Variants in GPR137 observed in about 807,000 individuals in gnomAD.
GPR137 encodes integral membrane protein GPR137.
In GPR137, 20 loss-of-function variants were observed where a neutral mutation model predicts 38.9. That is an observed-to-expected ratio of 0.51 (90% CI 0.36 to 0.75). GPR137 has a LOEUF of 0.75. GPR137 is among the 30% of genes least tolerant of loss of function. The pLI is 0.00. For missense variants in GPR137, 456 were observed against 526.4 expected (o/e 0.87, Z 1.31); for synonymous variants, 226 against 235.8 (o/e 0.96, Z 0.38).
rs1753118790 is a variant in GPR137, at chr11:64,288,866, C to T, written c.1031+145C>T. 1.4e-6 allele frequency: 2 copies of T among 1,441,506 alleles called. No homozygotes were observed. Among genetic ancestry groups the T allele is most frequent in the African/African-American group, 1.4e-5 (1 of 69,902 alleles). The allele number at this position is 1,441,506 out of a possible 1,614,324, so 89.3% of individuals were successfully genotyped here. On this transcript the variant is annotated intron_variant, in intron 6 of 6. Transcript: ENST00000438980. The surrounding 1 kb of genome is among the most constrained non-coding windows in gnomAD (Gnocchi z 5.5). ...TTCCCCATCTGTACTAGGTGAGGTC[C>T]CCTGGGTTCCTATTGCTAAAGCCTC...
chr11:64,284,675 C>T (rs1300025192), upstream of GPR137: 73 of 1,535,462 alleles, frequency 4.8e-5, no homozygotes, highest in African/African-American at 9.6e-5. Flanking sequence ...TGCCGCCTCC[C>T]TCCAGCACCC....
intron 2 of GPR137, among the ~76,000 whole-genome samples, chr11:64,278,721 G>A (rs2033230750): frequency 6.6e-6 from 1 of 152,204 alleles, no homozygotes; most frequent in South Asian, 2.1e-4. Context: ...CAGACACTGG[G>A]CTGTGTGGGC....
Position 64,286,114 on chromosome 11 carries a change from G to A in GPR137, c.-411G>A, listed in dbSNP as rs1482450087. The A allele has an allele frequency of 3.0e-6, 3 of 1,004,728 alleles. No homozygotes were observed. The highest frequency in any genetic ancestry group is 3.6e-6 in the Non-Finnish European group (3 of 843,174). The allele number at this position is 1,004,728 out of a possible 1,614,324, so 62.2% of individuals were successfully genotyped here. ...GGGGCATTGGGCGCCCCTCGCAGCG[G>A]CCGCTGCCCTGACCCGACGGGTATC... is the stretch of plus-strand genomic sequence containing the variant. On this transcript the variant is annotated 5_prime_UTR_variant, in exon 1 of 7. Transcript: ENST00000438980.
rs140988018 is a variant in GPR137 at position 64,286,688 on chromosome 11, G to A, written c.164G>A (p.Arg55His). The A allele has an allele frequency of 2.5e-6, 4 of 1,613,646 alleles. No homozygotes were observed. The highest frequency in any genetic ancestry group is 2.5e-6 in the Non-Finnish European group (3 of 1,179,726). ...LWLVLLYGHK[R>H]LSYQTVFLAL... Reference sequence around the variant, plus strand: ...CTGGTGCTTCTGTATGGGCACAAGCGTCTCAGCTATCAGACGGTGTTCCTG... The same window carrying A: ...CTGGTGCTTCTGTATGGGCACAAGCATCTCAGCTATCAGACGGTGTTCCTG... Residue 55 changes from arginine (R) to histidine (H), a missense_variant, in exon 1 of 7, where the codon CGT becomes CAT. Physicochemically the swap from Arg to His is conservative, Grantham distance 29. Coordinates refer to ENST00000438980, the MANE Select transcript of GPR137 (RefSeq NM_001170880.2).
chr11:64,285,534 C>T, upstream of GPR137: 1 of 984,850 alleles, frequency 1.0e-6, no homozygotes, highest in Non-Finnish European at 1.2e-6. Flanking sequence ...TCCGTTGCCG[C>T]CCCCGGCCGG....
chr11:64,280,051 C>T (rs980616826), upstream of GPR137, among the ~76,000 whole-genome samples: 1 of 151,774 alleles, frequency 6.6e-6, no homozygotes, highest in Non-Finnish European at 1.5e-5. Flanking sequence ...GGCGCGGTGG[C>T]TCACGCCTGT....
At chr11:64,285,716 C>A, upstream of GPR137, 1 of 985,404 alleles carries the variant, frequency 1.0e-6, no homozygotes, top group South Asian at 4.7e-5. Context: ...CGGGCGCCCG[C>A]CAGCGGCGCA....
chr11:64,273,692 C>T (rs1397569484), upstream of GPR137, among the ~76,000 whole-genome samples: 2 of 151,492 alleles, frequency 1.3e-5, no homozygotes, highest in East Asian at 3.9e-4. Context: ...CCAGACTGAC[C>T]AAGATGGTAA....
upstream of GPR137, among the ~76,000 whole-genome samples, chr11:64,282,752 G>A (rs540267457): frequency 2.6e-5 from 4 of 151,006 alleles, no homozygotes; most frequent in East Asian, 3.9e-4. Flanking sequence ...GGTGACACGC[G>A]CCTGTAGTCC....
chr11:64,272,496 T>C (rs1381798266), upstream of GPR137, among the ~76,000 whole-genome samples: 1 of 152,136 alleles, frequency 6.6e-6, no homozygotes, highest in South Asian at 2.1e-4. Flanking sequence ...GCAAGGGACC[T>C]GCAGAGCCCC....
Position 64,288,752 on chromosome 11 carries a change from T to G in GPR137, c.1031+31T>G. The G allele has an allele frequency of 2.0e-6, 3 of 1,475,712 alleles. No individual in the cohort carries two copies. Among genetic ancestry groups the G allele is most frequent in the Non-Finnish European group, 2.7e-6 (3 of 1,100,496 alleles). 91.4% of individuals were successfully genotyped at this position (1,475,712 alleles called of 1,614,324 possible). A position where few individuals can be genotyped will look rare whatever the true frequency, so the allele number is the denominator to read the frequency against. On this transcript the variant is annotated intron_variant, in intron 6 of 6. Coordinates refer to ENST00000438980, the MANE Select transcript of GPR137 (RefSeq NM_001170880.2). The surrounding 1 kb of genome is among the most constrained non-coding windows in gnomAD (Gnocchi z 5.5). ...AGCCGTGGCACTGCCTCAGTACCCC[T>G]GCCCTACCCGCCCACCCCGCTGGCT... is the stretch of plus-strand genomic sequence containing the variant.
exon 1 of GPR137, chr11:64,275,708 T>G (rs2033009235): frequency 6.6e-6 from 1 of 151,756 alleles, no homozygotes; most frequent in Non-Finnish European, 1.5e-5. Flanking sequence ...TAGCTCTGAG[T>G]GGGGCCACAG....
upstream of GPR137, chr11:64,284,511 T>C: frequency 1.3e-6 from 2 of 1,557,414 alleles, no homozygotes; most frequent in Non-Finnish European, 1.7e-6. Flanking sequence ...GGCCCTCATC[T>C]GTCTGCCGGG....
chr11:64,272,254 G>C (rs529165982), upstream of GPR137, among the ~76,000 whole-genome samples: 54 of 152,152 alleles, frequency 3.5e-4, no homozygotes, highest in African/African-American at 1.1e-3. Context: ...AGGAGGGAGA[G>C]GTCGCAGTGA....
chr11:64,284,364 A>G (rs1357182211), upstream of GPR137: 1 of 1,612,924 alleles, frequency 6.2e-7, no homozygotes, highest in Admixed American at 1.7e-5. Flanking sequence ...TGGGATCTGG[A>G]ACATGCTCTG....
intron 2 of GPR137, 53 bp from the exon 3 acceptor site, chr11:64,287,668 T>C: frequency 1.9e-6 from 3 of 1,591,162 alleles, no homozygotes; most frequent in Non-Finnish European, 2.6e-6. Context: ...GTGGGGCAGG[T>C]GGTGAGTGCT....
chr11:64,276,610 A>G (rs1286457313), intron 2 of GPR137, among the ~76,000 whole-genome samples: 1 of 152,230 alleles, frequency 6.6e-6, no homozygotes, highest in African/African-American at 2.4e-5. Context: ...TACAGGCGTG[A>G]GCCACGGTGC....
chr11:64,284,672 T>G, upstream of GPR137: 2 of 1,534,808 alleles, frequency 1.3e-6, no homozygotes, highest in Non-Finnish European at 1.7e-6. Flanking sequence ...GCCTGCCGCC[T>G]CCCTCCAGCA....
At chr11:64,273,855 C>CAAAAAAA (rs34577596), upstream of GPR137, among the ~76,000 whole-genome samples, 9 of 54,816 alleles carry the variant, frequency 1.6e-4, no homozygotes, top group East Asian at 6.7e-4. Context: ...GCACCCATCT[C>CAAAAAAA]AAAAAAAAAA....
Sources: allele counts gnomAD v4.1 joint callset (sites outside exome capture counted in the v4.1 genomes callset), GRCh38; gene constraint gnomAD v4.1.1; non-coding constraint Gnocchi (gnomAD v3.1); transcripts MANE v1.5; gene names NCBI Gene and HGNC (gene_info 2026-07-23, HGNC 2026-07-21).